NXPH2: variants seen among roughly 807,000 people sequenced by gnomAD.
NXPH2 encodes the protein neurexophilin-2.
In NXPH2, 5 loss-of-function variants were observed where a neutral mutation model predicts 19.8. That is an observed-to-expected ratio of 0.25 (90% CI 0.13 to 0.53). NXPH2 has a LOEUF of 0.53. Ranked by LOEUF, NXPH2 falls within the 20% of genes least tolerant of loss-of-function variation. The pLI is 0.96. For missense variants in NXPH2, 289 were observed against 322.8 expected (o/e 0.90, Z 0.80); for synonymous variants, 154 against 127.4 (o/e 1.21, Z -1.41).
At chr2:138,691,602 C>T (rs570119278) in intron 1 of NXPH2, among the ~76,000 whole-genome samples, 1 of 152,272 alleles carries the variant, frequency 6.6e-6, no homozygotes, top group South Asian at 2.1e-4. Context: ...TTATTCCTCA[C>T]TATTGGGAGA....
chr2:138,768,214 C>CT (rs1420831829), intron 1 of NXPH2, among the ~76,000 whole-genome samples: 3 of 152,166 alleles, frequency 2.0e-5, no homozygotes, highest in African/African-American at 7.2e-5. Context: ...TCTCTTTGTC[C>CT]TTTTTTTCCT....
At chr2:138,699,150 AATAAT>A (rs1300822414) in intron 1 of NXPH2, among the ~76,000 whole-genome samples, 3 of 152,208 alleles carry the variant, frequency 2.0e-5, no homozygotes, top group East Asian at 1.9e-4. Flanking sequence ...CCACTTGGAC[AATAAT>A]ATAATATGTA....
At chr2:138,685,615 A>G (rs183168358) in intron 1 of NXPH2, among the ~76,000 whole-genome samples, 20 of 152,362 alleles carry the variant, frequency 1.3e-4, no homozygotes, top group Admixed American at 1.1e-3. Flanking sequence ...TTGGGCAACT[A>G]TAGTTGGGCA....
At chr2:138,700,641 G>A (rs563237236) in intron 1 of NXPH2, among the ~76,000 whole-genome samples, 1 of 152,068 alleles carries the variant, frequency 6.6e-6, no homozygotes, top group South Asian at 2.1e-4. Context: ...TTAAATATGG[G>A]CTTCCTTCCC....
At chr2:138,740,388 G>A (rs941452785) in intron 1 of NXPH2, among the ~76,000 whole-genome samples, 19 of 152,172 alleles carry the variant, frequency 1.2e-4, no homozygotes, top group African/African-American at 4.3e-4. Context: ...TGCCACACAG[G>A]TGTCCACTTG....
chr2:138,759,893 C>A (rs1295798482), intron 1 of NXPH2, among the ~76,000 whole-genome samples: 2 of 151,960 alleles, frequency 1.3e-5, no homozygotes, highest in Non-Finnish European at 2.9e-5. Context: ...CCACGCCCGG[C>A]TAATTTTTTG....
chr2:138,776,877 T>C (rs1237872448), intron 1 of NXPH2, among the ~76,000 whole-genome samples: 1 of 152,024 alleles, frequency 6.6e-6, no homozygotes, highest in African/African-American at 2.4e-5. Flanking sequence ...AAAGATGAAC[T>C]TAAAATTTTA....
intron 1 of NXPH2, among the ~76,000 whole-genome samples, chr2:138,710,412 T>C (rs1681088051): frequency 6.6e-6 from 1 of 152,182 alleles, no homozygotes; most frequent in Non-Finnish European, 1.5e-5. Flanking sequence ...TTCAATTATT[T>C]TGGGTATATA....
intron 1 of NXPH2, among the ~76,000 whole-genome samples, chr2:138,717,546 G>T (rs917945611): frequency 4.6e-5 from 7 of 151,732 alleles, no homozygotes; most frequent in African/African-American, 1.7e-4. Context: ...TTGGAAAAAG[G>T]TCACTAAACC....
intron 1 of NXPH2, among the ~76,000 whole-genome samples, chr2:138,694,654 C>A (rs1680800888): frequency 6.6e-6 from 1 of 152,116 alleles, no homozygotes; most frequent in South Asian, 2.1e-4. Context: ...TTGTTTTAAG[C>A]CACCTGGAAT....
At chr2:138,678,799 C>T (rs1011774485) in intron 1 of NXPH2, among the ~76,000 whole-genome samples, 2 of 152,084 alleles carry the variant, frequency 1.3e-5, no homozygotes, top group South Asian at 4.2e-4. Context: ...TCAAATATCC[C>T]TTCTCAGTTT....
At chr2:138,702,478 A>T (rs1341096153) in intron 1 of NXPH2, among the ~76,000 whole-genome samples, 1 of 152,016 alleles carries the variant, frequency 6.6e-6, no homozygotes, top group Non-Finnish European at 1.5e-5. Flanking sequence ...AAAACTATAA[A>T]ATCGTCCAAT....
chr2:138,691,286 T>C (rs1680741460), intron 1 of NXPH2, among the ~76,000 whole-genome samples: 1 of 152,104 alleles, frequency 6.6e-6, no homozygotes, highest in South Asian at 2.1e-4. Flanking sequence ...TAAGAGAAAG[T>C]CTAGAATTGA....
chr2:138,678,535 T>C (rs1178551662), intron 1 of NXPH2, among the ~76,000 whole-genome samples: 8 of 152,164 alleles, frequency 5.3e-5, no homozygotes, highest in Admixed American at 5.2e-4. Context: ...TATAACTCTT[T>C]ACAGTATCAC....
chr2:138,675,128 A>C (rs960971493), intron 1 of NXPH2, among the ~76,000 whole-genome samples: 27 of 152,222 alleles, frequency 1.8e-4, no homozygotes, highest in African/African-American at 6.3e-4. Context: ...TACAAATACC[A>C]TGACACTTTA....
intron 1 of NXPH2, among the ~76,000 whole-genome samples, chr2:138,723,322 A>G (rs1681308621): frequency 1.3e-5 from 2 of 152,214 alleles, no homozygotes; most frequent in Admixed American, 1.3e-4. Context: ...TGAAGATTAT[A>G]CATACTGGAA....
At chr2:138,744,779 C>T (rs569397484) in intron 1 of NXPH2, among the ~76,000 whole-genome samples, 3 of 152,260 alleles carry the variant, frequency 2.0e-5, no homozygotes, top group African/African-American at 7.2e-5. Flanking sequence ...GGCTCTAGCC[C>T]CACCATGTAA....
rs1680392364 is a variant in NXPH2, at chr2:138,670,082, C to T, written c.*840G>A. ...TTCTACACATGTGTAAAGAATCACA[C>T]TATCGAATGAATTGAATAAAGCTCT... On this transcript the variant is annotated 3_prime_UTR_variant, in exon 2 of 2. Coordinates refer to ENST00000272641, the MANE Select transcript of NXPH2 (RefSeq NM_007226.3). 6.6e-6 allele frequency among the ~76,000 whole-genome samples: 1 copy of T among 152,222 alleles called. No homozygotes were observed. Among genetic ancestry groups the T allele is most frequent in the South Asian group, 2.1e-4 (1 of 4,836 alleles).
intron 1 of NXPH2, among the ~76,000 whole-genome samples, chr2:138,757,574 G>C (rs563899271): frequency 2.0e-4 from 31 of 152,020 alleles, no homozygotes; most frequent in Non-Finnish European, 2.9e-4. Context: ...GTTCTTGCCT[G>C]CTTGTGATCT....
Sources: allele counts gnomAD v4.1 joint callset (sites outside exome capture counted in the v4.1 genomes callset), GRCh38; gene constraint gnomAD v4.1.1; transcripts MANE v1.5; gene names NCBI Gene and HGNC (gene_info 2026-07-23, HGNC 2026-07-21).